Variants in FNBP1 observed in about 807,000 individuals in gnomAD.
The protein encoded by FNBP1 is formin binding protein 1.
Under a neutral mutation model 90.6 loss-of-function variants are expected in FNBP1, and 26 were observed. The ratio of observed to expected loss-of-function variants is 0.29; its 90% CI spans 0.21 to 0.40. The LOEUF (loss-of-function observed/expected upper bound fraction) is 0.40. Ranked by LOEUF, FNBP1 falls within the 10% of genes least tolerant of loss-of-function variation. FNBP1 has a pLI of 1.00. For missense variants in FNBP1, 635 were observed against 768.0 expected (o/e 0.83, Z 2.05); for synonymous variants, 260 against 265.2 (o/e 0.98, Z 0.19).
chr9:130,018,202 C>T (rs946113819), intron 1 of FNBP1, among the ~76,000 whole-genome samples: 1 of 151,626 alleles, frequency 6.6e-6, no homozygotes, highest in Non-Finnish European at 1.5e-5. Flanking sequence ...GCCTGAGCCA[C>T]TGGGCCCGGC....
At chr9:129,931,720 C>T (rs973946330) in intron 6 of FNBP1, among the ~76,000 whole-genome samples, 6 of 152,040 alleles carry the variant, frequency 3.9e-5, no homozygotes, top group African/African-American at 1.2e-4. Flanking sequence ...ATTGCTTGAG[C>T]TCAGGAGGTC....
intron 6 of FNBP1, among the ~76,000 whole-genome samples, chr9:129,949,329 A>G (rs1490139687): frequency 6.6e-6 from 1 of 152,194 alleles, no homozygotes; most frequent in Admixed American, 6.6e-5. Context: ...TTTTCCTCTA[A>G]GGAACATGGC....
chr9:129,945,944 G>C (rs79544587), intron 6 of FNBP1, among the ~76,000 whole-genome samples: 1,940 of 152,272 alleles, frequency 0.013, 33 homozygotes, highest in African/African-American at 0.044. Context: ...AAGGCAGACG[G>C]ATCACTTGAG....
intron 12 of FNBP1, among the ~76,000 whole-genome samples, chr9:129,908,428 C>T (rs1420014951): frequency 6.7e-6 from 1 of 149,896 alleles, no homozygotes; most frequent in South Asian, 2.1e-4. Context: ...TGGTCTTGAA[C>T]TCCCGGACTC....
intron 6 of FNBP1, among the ~76,000 whole-genome samples, chr9:129,940,375 C>G (rs2044148376): frequency 1.3e-5 from 2 of 152,006 alleles, no homozygotes; most frequent in South Asian, 4.1e-4. Flanking sequence ...ATAAAAAATA[C>G]AGTCATTGAA....
chr9:129,931,041 C>T (rs1023243503), intron 6 of FNBP1, among the ~76,000 whole-genome samples: 1 of 152,118 alleles, frequency 6.6e-6, no homozygotes, highest in Non-Finnish European at 1.5e-5. Context: ...TGGTAGATCA[C>T]GCCTGCAATC....
chr9:129,954,919 A>G (rs2046687014), intron 6 of FNBP1, among the ~76,000 whole-genome samples: 1 of 152,082 alleles, frequency 6.6e-6, no homozygotes, highest in African/African-American at 2.4e-5. Context: ...ACTTGAACCC[A>G]GGAGGTGGAG....
intron 1 of FNBP1, among the ~76,000 whole-genome samples, chr9:130,004,664 T>C (rs2055388970): frequency 6.6e-6 from 1 of 152,214 alleles, no homozygotes; most frequent in Non-Finnish European, 1.5e-5. Flanking sequence ...AGGGTATAGA[T>C]TTACTCAAAG....
chr9:129,948,553 T>C (rs1341270034), intron 6 of FNBP1, among the ~76,000 whole-genome samples: 1 of 151,546 alleles, frequency 6.6e-6, no homozygotes, highest in African/African-American at 2.4e-5. Context: ...TTTGGTATTT[T>C]TTTTTCAAGA....
intron 10 of FNBP1, 95 bp downstream of exon 10, chr9:129,923,749 A>C (rs1238474832): frequency 7.5e-7 from 1 of 1,333,006 alleles, no homozygotes; most frequent in Non-Finnish European, 9.8e-7. Context: ...TTATGGGAAA[A>C]CACAATGGAT....
Position 130,042,903 on chromosome 9 carries a change from A to C in FNBP1, c.24+49T>G. ...GCGCCCCCTCCCCAGGCCGCGGGGA[A>C]ACGCAGCGCGCGCCCCGCATCTGCC... On this transcript the variant is annotated intron_variant, in intron 1 of 16. Coordinates refer to ENST00000446176, the MANE Select transcript of FNBP1 (RefSeq NM_015033.3). This position sits in a 1 kb window ranked among gnomAD's most constrained non-coding sequence, Gnocchi z 5.5. 1 of 1,192,802 alleles carries C rather than the reference A, an allele frequency of 8.4e-7. No individual in the cohort carries two copies. The highest frequency in any genetic ancestry group is 1.0e-6 in the Non-Finnish European group (1 of 952,632). 73.9% of individuals were successfully genotyped at this position (1,192,802 alleles called of 1,614,324 possible). A position where few individuals can be genotyped will look rare whatever the true frequency, so the allele number is the denominator to read the frequency against.
intron 6 of FNBP1, among the ~76,000 whole-genome samples, chr9:129,950,624 T>G (rs1038382516): frequency 2.0e-5 from 3 of 152,180 alleles, no homozygotes; most frequent in Non-Finnish European, 4.4e-5. Context: ...AAACCCTAAG[T>G]TGAAAACTGA....
intron 9 of FNBP1, among the ~76,000 whole-genome samples, chr9:129,924,700 A>G (rs756665533): frequency 1.3e-5 from 2 of 152,318 alleles, no homozygotes; most frequent in Non-Finnish European, 2.9e-5. Flanking sequence ...AGGGAAAGGC[A>G]TGAGGCGAAA....
At chr9:130,023,980 G>A (rs1218043730) in intron 1 of FNBP1, among the ~76,000 whole-genome samples, 4 of 151,980 alleles carry the variant, frequency 2.6e-5, no homozygotes, top group Admixed American at 6.6e-5. Context: ...GCCTGATCTC[G>A]GCCACATCTG....
At chr9:130,052,378 A>C in the FNBP1 span, among the ~76,000 whole-genome samples, 4 of 152,290 alleles carry the variant, frequency 2.6e-5, no homozygotes, top group Middle Eastern at 3.4e-3. Context: ...CTCCTATTTA[A>C]AACTATTTTA....
chr9:129,905,242 CT>C (rs1417029123), intron 12 of FNBP1, among the ~76,000 whole-genome samples: 37 of 147,896 alleles, frequency 2.5e-4, no homozygotes, highest in African/African-American at 9.2e-4. Flanking sequence ...CTTTATTGAT[CT>C]TTTTAAGGAA....
At chr9:129,944,155 C>T (rs2044812568) in intron 6 of FNBP1, among the ~76,000 whole-genome samples, 1 of 152,062 alleles carries the variant, frequency 6.6e-6, no homozygotes, top group Admixed American at 6.6e-5. Flanking sequence ...CTGGGGACTT[C>T]ATGAAAGGTA....
intron 10 of FNBP1, among the ~76,000 whole-genome samples, chr9:129,917,677 C>T (rs560551337): frequency 1.3e-5 from 2 of 152,320 alleles, no homozygotes; most frequent in East Asian, 1.9e-4. Flanking sequence ...AAAGTTGACA[C>T]TTCCTTGTAA....
Position 129,888,240 on chromosome 9 carries a change from A to G in FNBP1, c.*2299T>C, listed in dbSNP as rs1479291541. ...AAATGAATCTATCCTGACCCATAATATGAAAGATGTGACGCACATGCATTC... is the reference window on the plus strand; with the variant it reads ...AAATGAATCTATCCTGACCCATAATGTGAAAGATGTGACGCACATGCATTC... On this transcript the variant is annotated 3_prime_UTR_variant, in exon 17 of 17. Transcript: ENST00000446176. 4.3e-6 allele frequency: 1 copy of G among 232,668 alleles called. No homozygotes were observed. Among genetic ancestry groups the G allele is most frequent in the Non-Finnish European group, 8.5e-6 (1 of 117,666 alleles). The allele number at this position is 232,668 out of a possible 1,614,324, so 14.4% of individuals were successfully genotyped here. A position where few individuals can be genotyped will look rare whatever the true frequency, so the allele number is the denominator to read the frequency against.
Sources: gnomAD v4.1 joint callset for allele counts (sites outside exome capture counted in the v4.1 genomes callset) on GRCh38, gnomAD v4.1.1 for gene constraint, Gnocchi (gnomAD v3.1) non-coding constraint, MANE v1.5 for transcripts, NCBI Gene and HGNC (gene_info 2026-07-23, HGNC 2026-07-21) for gene names.